The following ZNF516 variants were observed in gnomAD, a reference collection of about 807,000 sequenced individuals.
ZNF516 encodes zinc finger protein 516.
Under a neutral mutation model 79.7 loss-of-function variants are expected in ZNF516, and 19 were observed. That is an observed-to-expected ratio of 0.24 (90% CI 0.17 to 0.35). ZNF516 has a LOEUF of 0.35. Among genes scored for constraint, ZNF516 ranks in the 10% least tolerant of loss-of-function variants. The probability of loss-of-function intolerance (pLI) is 1.00; values close to 1 mark genes in which losing one functional copy is unlikely to be tolerated. For missense variants in ZNF516, 1,678 were observed against 1,679.5 expected (o/e 1.00, Z 0.02); for synonymous variants, 877 against 739.5 (o/e 1.19, Z -3.02).
intron 1 of ZNF516, among the ~76,000 whole-genome samples, chr18:76,470,404 A>T (rs1913756232): frequency 6.6e-6 from 1 of 152,154 alleles, no homozygotes; most frequent in Non-Finnish European, 1.5e-5. Flanking sequence ...TTTCTGCACT[A>T]ACTGCTTAAG....
At chr18:76,447,438 C>T (rs1359065106) in intron 2 of ZNF516, among the ~76,000 whole-genome samples, 1 of 152,234 alleles carries the variant, frequency 6.6e-6, no homozygotes, top group African/African-American at 2.4e-5. Context: ...CAGCCGCAGA[C>T]ATTTCCGTCC....
intron 1 of ZNF516, among the ~76,000 whole-genome samples, chr18:76,479,984 A>T (rs1914406892): frequency 6.6e-6 from 1 of 152,170 alleles, no homozygotes; most frequent in Non-Finnish European, 1.5e-5. Context: ...AAATAGCAGA[A>T]ATCAGAAACA....
Position 76,361,022 on chromosome 18 carries a change from T to C in ZNF516, c.*1476A>G, listed in dbSNP as rs2074530252. On this transcript the variant is annotated 3_prime_UTR_variant, in exon 7 of 7. Transcript: ENST00000443185. ...AAGGTTAGGATAATTTCTGTACATG[T>C]AAAATTATTGCTTTTTTGAAAAATA... 6.6e-6 allele frequency: 1 copy of C among 151,976 alleles called. No homozygotes were observed. Among genetic ancestry groups the C allele is most frequent in the South Asian group, 2.1e-4 (1 of 4,826 alleles). The allele number at this position is 151,976 out of a possible 1,614,324, so 9.4% of individuals were successfully genotyped here.
intron 2 of ZNF516, among the ~76,000 whole-genome samples, chr18:76,461,523 GA>G (rs1891518296): frequency 6.6e-6 from 1 of 152,120 alleles, no homozygotes; most frequent in South Asian, 2.1e-4. Flanking sequence ...GTGGCCTTTA[GA>G]GGAAATTTGG....
At chr18:76,462,293 T>C (rs1226257937) in intron 2 of ZNF516, among the ~76,000 whole-genome samples, 4 of 152,182 alleles carry the variant, frequency 2.6e-5, no homozygotes, top group African/African-American at 9.7e-5. Flanking sequence ...TTCACTACTT[T>C]AATCAAATGA....
chr18:76,387,229 A>C (rs2075006896), intron 3 of ZNF516: 1 of 152,340 alleles, frequency 6.6e-6, no homozygotes. Context: ...CACCACGATC[A>C]TAGAACAGGA....
chr18:76,414,745 G>A (rs972023249), intron 3 of ZNF516, among the ~76,000 whole-genome samples: 3 of 152,194 alleles, frequency 2.0e-5, no homozygotes, highest in Non-Finnish European at 4.4e-5. Flanking sequence ...GAGAAGAATG[G>A]GCCAATCATG....
chr18:76,410,376 G>C (rs978710616), intron 3 of ZNF516, among the ~76,000 whole-genome samples: 3 of 152,188 alleles, frequency 2.0e-5, no homozygotes, highest in Non-Finnish European at 4.4e-5. Context: ...AAGCGGTTTT[G>C]ACTGTGGCTT....
At chr18:76,365,604 AACG>A (rs1211730035) in intron 6 of ZNF516, among the ~76,000 whole-genome samples, 2 of 152,174 alleles carry the variant, frequency 1.3e-5, no homozygotes, top group East Asian at 1.9e-4. Context: ...GCATCTTTTA[AACG>A]ACAACATGCA....
At chr18:76,490,740 T>C (rs1031811482) in intron 1 of ZNF516, 1 of 984,138 alleles carries the variant, frequency 1.0e-6, no homozygotes, top group Non-Finnish European at 1.2e-6. Context: ...TTCTGCTGTA[T>C]GTGTAAGTAG....
chr18:76,467,211 C>G lies in ZNF516; in HGVS notation c.-271-4070G>C, dbSNP rs28570673. 2.3e-3 allele frequency among the ~76,000 whole-genome samples: 53 copies of G among 22,696 alleles called. 3 individuals are homozygous for G. Among genetic ancestry groups the G allele is most frequent in the African/African-American group, 6.1e-3 (52 of 8,470 alleles). The allele number at this position is 22,696 out of a possible 152,430, so 14.9% of individuals were successfully genotyped here. A position where few individuals can be genotyped will look rare whatever the true frequency, so the allele number is the denominator to read the frequency against. On this transcript the variant is annotated intron_variant, in intron 1 of 6. Coordinates refer to ENST00000443185, the MANE Select transcript of ZNF516 (RefSeq NM_014643.4). This position sits in a 1 kb window ranked among gnomAD's most constrained non-coding sequence, Gnocchi z 4.2. The stretch of plus-strand genomic sequence containing the variant: ...TCTCTCGGAACCTGCAGCTCACAGC[C>G]CCTCTGGGCTGGCAGGAAGTCCTGC...
chr18:76,431,739 T>C (rs654754), intron 3 of ZNF516, among the ~76,000 whole-genome samples: 85,356 of 152,032 alleles, frequency 0.56, 24,176 homozygotes, highest in South Asian at 0.68. Context: ...CTCCCCTTGA[T>C]CTTCCACCAT....
rs762139524 is a variant in ZNF516, at chr18:76,441,762, G to A, written c.1293C>T (p.Ala431=). ...CCCAGGCCCCGTACTTGAGGTACTCGGCCGGCTCGGCCACCTTACCCCGCG... is the reference window on the plus strand; with the variant it reads ...CCCAGGCCCCGTACTTGAGGTACTCAGCCGGCTCGGCCACCTTACCCCGCG... ...LATRGKVAEP[A]EYLKYGAWDE... Residue 431 remains alanine, a synonymous_variant, in exon 3 of 7, where the codon GCC becomes GCT. Transcript: ENST00000443185. 2.4e-5 allele frequency: 37 copies of A among 1,564,298 alleles called. No homozygotes were observed. The highest frequency in any genetic ancestry group is 9.5e-5 in the East Asian group (4 of 42,228).
chr18:76,376,375 A>C (rs2074786342), intron 4 of ZNF516, among the ~76,000 whole-genome samples: 1 of 152,214 alleles, frequency 6.6e-6, no homozygotes, highest in Non-Finnish European at 1.5e-5. Flanking sequence ...ACTTCCCTTA[A>C]GAAACCCAAT....
At chr18:76,415,372 C>G (rs374773087) in intron 3 of ZNF516, among the ~76,000 whole-genome samples, 1 of 152,190 alleles carries the variant, frequency 6.6e-6, no homozygotes, top group African/African-American at 2.4e-5. Flanking sequence ...ACGGTTGTCA[C>G]GGCAAGCCCG....
chr18:76,391,913 T>G (rs370221417), intron 3 of ZNF516, among the ~76,000 whole-genome samples: 320 of 152,050 alleles, frequency 2.1e-3, no homozygotes, highest in African/African-American at 7.5e-3. Context: ...GCCGGGCAGG[T>G]AGGCCCACAG....
chr18:76,492,805 C>T (rs1361399394), intron 1 of ZNF516: 12 of 985,858 alleles, frequency 1.2e-5, no homozygotes, highest in African/African-American at 3.5e-5. Context: ...CTTCACAGAA[C>T]GTTCGGAGGG....
At chr18:76,404,556 G>A (rs976020125) in intron 3 of ZNF516, among the ~76,000 whole-genome samples, 9 of 151,786 alleles carry the variant, frequency 5.9e-5, no homozygotes, top group Non-Finnish European at 1.0e-4. Context: ...ACGTGTGCAT[G>A]TGTTTGTATG....
chr18:76,425,558 G>GAC (rs1335646162), intron 3 of ZNF516, among the ~76,000 whole-genome samples: 1 of 152,208 alleles, frequency 6.6e-6, no homozygotes, highest in East Asian at 1.9e-4. Context: ...ACATGCCACT[G>GAC]ACAGGGCTAA....
Sources: allele counts gnomAD v4.1 joint callset (sites outside exome capture counted in the v4.1 genomes callset), GRCh38; gene constraint gnomAD v4.1.1; non-coding constraint Gnocchi (gnomAD v3.1); transcripts MANE v1.5; gene names NCBI Gene and HGNC (gene_info 2026-07-23, HGNC 2026-07-21).